CCDC6: variants seen among roughly 807,000 people sequenced by gnomAD.
CCDC6 encodes coiled-coil domain-containing protein 6.
CCDC6 carries 20 observed loss-of-function variants against 56.6 expected under a neutral mutation model. The observed-to-expected ratio is 0.35, with a 90% CI of 0.25 to 0.51. CCDC6 has a LOEUF of 0.51. CCDC6 is among the 20% of genes least tolerant of loss of function. The pLI is 0.95. For synonymous variants in CCDC6, 241 were observed against 234.4 expected (o/e 1.03, Z -0.26); for missense variants, 367 against 601.1 (o/e 0.61, Z 4.07).
intron 7 of CCDC6, among the ~76,000 whole-genome samples, chr10:59,803,723 G>A (rs562962985): frequency 6.6e-6 from 1 of 152,342 alleles, no homozygotes; most frequent in East Asian, 1.9e-4. Flanking sequence ...AGTTTTTGGG[G>A]TCAGATGGAG....
chr10:59,814,725 T>C lies in CCDC6; in HGVS notation c.613A>G (p.Thr205Ala). 6 of 1,613,128 alleles carry C rather than the reference T, an allele frequency of 3.7e-6. No individual in the cohort carries two copies. Among genetic ancestry groups the C allele is most frequent in the Non-Finnish European group, 5.1e-6 (6 of 1,179,144 alleles). Reference sequence around the variant, plus strand: ...AGTGCTTCTTGTTCTTGTTCCAATGTATTTTCAAGGTCAATCTTCTCCCGT... The same window carrying C: ...AGTGCTTCTTGTTCTTGTTCCAATGCATTTTCAAGGTCAATCTTCTCCCGT... ...LRREKIDLEN[T>A]LEQEQEALVN... Residue 205 changes from threonine to alanine, a missense_variant, in exon 4 of 9, where the codon ACA becomes GCA. By Grantham distance (58) the Thr-to-Ala change is moderately conservative (BLOSUM62 0). Coordinates refer to ENST00000263102, the MANE Select transcript of CCDC6 (RefSeq NM_005436.5).
At position 59,852,636 on chromosome 10, in the gene CCDC6, G is replaced by A; in HGVS notation, c.370C>T (p.Gln124Ter). 6.2e-7 allele frequency: 1 copy of A among 1,603,892 alleles called. No individual in the cohort carries two copies. Among genetic ancestry groups the A allele is most frequent in the Non-Finnish European group, 8.5e-7 (1 of 1,175,284 alleles). ...ACAGCAAGGGTTTCTTTCTCCTTCT[G>A]CAAAGCCTGAATTTTCTTGAATAAA... Reference protein sequence around the residue: ...NTLFKKIQALQKEKETLAVNY... With the variant: ...NTLFKKIQAL Residue 124 changes from glutamine to a stop codon, truncating the protein, a stop_gained, in exon 2 of 9, where the codon CAG (glutamine) becomes TAG (stop). Transcript: ENST00000263102. LOFTEE classifies it high-confidence loss of function.
intron 1 of CCDC6, among the ~76,000 whole-genome samples, chr10:59,852,926 T>C (rs2071051354): frequency 6.6e-6 from 1 of 152,182 alleles, no homozygotes; most frequent in Admixed American, 6.5e-5. Flanking sequence ...CCCTTTACTA[T>C]GTGTGGTCCT....
At chr10:59,830,559 C>T (rs1589043207) in intron 3 of CCDC6, among the ~76,000 whole-genome samples, 1 of 152,304 alleles carries the variant, frequency 6.6e-6, no homozygotes, top group South Asian at 2.1e-4. Context: ...GGATCTGAGG[C>T]TTACTTCTAG....
chr10:59,893,199 G>A (rs780891157), intron 1 of CCDC6, among the ~76,000 whole-genome samples: 8 of 152,074 alleles, frequency 5.3e-5, no homozygotes, highest in Non-Finnish European at 7.4e-5. Flanking sequence ...TACTTTTTGC[G>A]GGGGGAGGGA....
chr10:59,822,796 T>C (rs1012796128), intron 3 of CCDC6, among the ~76,000 whole-genome samples: 2 of 152,074 alleles, frequency 1.3e-5, no homozygotes, highest in African/African-American at 4.8e-5. Flanking sequence ...CCAAAAAGCC[T>C]GAAACCACAG....
chr10:59,794,550 G>C lies in CCDC6; in HGVS notation c.1153C>G (p.Leu385Val), dbSNP rs141402057. Residue 385 changes from leucine (L) to valine (V), a missense_variant, in exon 8 of 9, where the codon CTG becomes GTG. Physicochemically the swap from Leu to Val is conservative, Grantham distance 32. Transcript: ENST00000263102. ...TAATAAGACATTCCAGCTCTAGTCA[G>C]TGAAGTTGGTGGCGTGAAACCAACC... ...HTVGFTPPTS[L>V]TRAGMSYYNS... 4.1e-5 allele frequency: 66 copies of C among 1,613,922 alleles called. No individual in the cohort carries two copies. The African/African-American group carries it at 7.7e-4, about 19-fold the overall frequency.
At chr10:59,796,321 G>A (rs1218059902) in intron 7 of CCDC6, among the ~76,000 whole-genome samples, 1 of 131,582 alleles carries the variant, frequency 7.6e-6, no homozygotes, top group Non-Finnish European at 1.6e-5. Flanking sequence ...TTTTGATGGG[G>A]TTGTTTTTTT....
chr10:59,883,893 T>G (rs189538836), intron 1 of CCDC6, among the ~76,000 whole-genome samples: 1 of 152,194 alleles, frequency 6.6e-6, no homozygotes, highest in Non-Finnish European at 1.5e-5. Context: ...ACCCTCAAGT[T>G]TGACAGAAAG....
intron 3 of CCDC6, among the ~76,000 whole-genome samples, chr10:59,828,193 A>G (rs1356862432): frequency 1.3e-5 from 2 of 152,206 alleles, no homozygotes; most frequent in Admixed American, 1.3e-4. Flanking sequence ...AATAGCAAAT[A>G]AGAGATGTAT....
At chr10:59,889,713 G>C (rs1175990770) in intron 1 of CCDC6, among the ~76,000 whole-genome samples, 1 of 152,170 alleles carries the variant, frequency 6.6e-6, no homozygotes, top group Non-Finnish European at 1.5e-5. Flanking sequence ...TGGGAGGATG[G>C]AAGGGAGAAC....
Position 59,849,331 on chromosome 10 carries a change from G to T in CCDC6, c.453+3222C>A, listed in dbSNP as rs532159689. ...GGAGAAGAGCTGCATGCTCCCTTTT[G>T]TGTGTGTTTTCCTGTTGGTGAGGAT... On this transcript the variant is annotated intron_variant, in intron 2 of 8. Coordinates refer to ENST00000263102, the MANE Select transcript of CCDC6 (RefSeq NM_005436.5). 2.2e-4 allele frequency among the ~76,000 whole-genome samples: 34 copies of T among 152,274 alleles called. No individual in the cohort carries two copies. In the East Asian group the frequency reaches 6.0e-3, roughly 27 times the overall value.
At chr10:59,818,944 T>A (rs1043610954) in intron 3 of CCDC6, among the ~76,000 whole-genome samples, 1 of 152,234 alleles carries the variant, frequency 6.6e-6, no homozygotes, top group Non-Finnish European at 1.5e-5. Flanking sequence ...CTCCTTACAA[T>A]TTTTACTTTG....
At chr10:59,865,960 T>G (rs1001911992) in intron 1 of CCDC6, among the ~76,000 whole-genome samples, 17 of 152,024 alleles carry the variant, frequency 1.1e-4, no homozygotes, top group Admixed American at 1.0e-3. Context: ...TAAGTTCCTA[T>G]GACTTCTGAC....
chr10:59,894,825 C>T (rs916403078), intron 1 of CCDC6, among the ~76,000 whole-genome samples: 1 of 152,076 alleles, frequency 6.6e-6, no homozygotes, highest in South Asian at 2.1e-4. Context: ...GTCCCCCATG[C>T]GATGAAGGAA....
At chr10:59,892,522 C>T (rs1182363063) in intron 1 of CCDC6, among the ~76,000 whole-genome samples, 1 of 152,178 alleles carries the variant, frequency 6.6e-6, no homozygotes, top group Non-Finnish European at 1.5e-5. Flanking sequence ...CCTCAACCAC[C>T]CCCGCTCAGC....
At chr10:59,841,511 A>C (rs1012998627) in intron 2 of CCDC6, among the ~76,000 whole-genome samples, 2 of 142,302 alleles carry the variant, frequency 1.4e-5, no homozygotes, top group African/African-American at 4.9e-5. Flanking sequence ...TAGATTCTTA[A>C]GATTTAAAAG....
rs912968662 is a variant in CCDC6, at chr10:59,801,163, C to T, written c.1105+3257G>A. On this transcript the variant is annotated intron_variant, in intron 7 of 8. Coordinates refer to ENST00000263102, the MANE Select transcript of CCDC6 (RefSeq NM_005436.5). ...TCTGCTTTTTATACCCTTCTCACTG[C>T]CCCAAGTTTTAATATATCTTTGGCT... is the stretch of plus-strand genomic sequence containing the variant. Among the ~76,000 whole-genome samples the T allele has an allele frequency of 1.4e-4, 21 of 152,138 alleles. No individual in the cohort carries two copies. The East Asian group carries it at 2.5e-3, about 18-fold the overall frequency.
chr10:59,904,379 G>A lies in CCDC6; in HGVS notation c.303+1743C>T, dbSNP rs2071526885. 2.0e-5 allele frequency among the ~76,000 whole-genome samples: 3 copies of A among 152,166 alleles called. No homozygotes were observed. The South Asian group carries it at 6.2e-4, about 32-fold the overall frequency. ...GTGTCAAACAGATAACCCTTTCATA[G>A]TCTCTGCATCCCTCATTCCTCCCTC... On this transcript the variant is annotated intron_variant, in intron 1 of 8. Coordinates refer to ENST00000263102, the MANE Select transcript of CCDC6 (RefSeq NM_005436.5).
Sources: allele counts gnomAD v4.1 joint callset (sites outside exome capture counted in the v4.1 genomes callset), GRCh38; gene constraint gnomAD v4.1.1; transcripts MANE v1.5; gene names NCBI Gene and HGNC (gene_info 2026-07-23, HGNC 2026-07-21).